Variants in ZFHX3 observed in about 807,000 individuals in gnomAD.
ZFHX3 encodes zinc finger homeobox 3.
A neutral mutation model predicts 279.1 loss-of-function variants in ZFHX3; 42 were observed. The ratio of observed to expected loss-of-function variants is 0.15; its 90% CI spans 0.12 to 0.19. The LOEUF (loss-of-function observed/expected upper bound fraction) is 0.19. ZFHX3 is among the 10% of genes least tolerant of loss of function. The pLI, the probability that ZFHX3 is intolerant of heterozygous loss-of-function variation, is 1.00. For synonymous variants in ZFHX3, 2,293 were observed against 1,957.8 expected (o/e 1.17, Z -4.52); for missense variants, 4,981 against 4,754.0 (o/e 1.05, Z -1.40).
intron 5 of ZFHX3, among the ~76,000 whole-genome samples, chr16:73,213,916 G>A (rs956885666): frequency 2.6e-5 from 4 of 152,006 alleles, no homozygotes; most frequent in African/African-American, 9.7e-5. Context: ...TTTGTTCCCC[G>A]CTCCAATCTG....
chr16:73,066,003 C>A (rs1228247038), intron 8 of ZFHX3, among the ~76,000 whole-genome samples: 1 of 152,214 alleles, frequency 6.6e-6, no homozygotes, highest in Non-Finnish European at 1.5e-5. Context: ...CGTGGCCCCA[C>A]GGCCGGCAGG....
At chr16:72,935,917 G>C (rs568768514) in intron 3 of ZFHX3, among the ~76,000 whole-genome samples, 1 of 152,270 alleles carries the variant, frequency 6.6e-6, no homozygotes, top group South Asian at 2.1e-4. Flanking sequence ...TCTATCATAA[G>C]AATGGGAAAG....
chr16:73,758,624 A>C (rs1306868618), intron 1 of ZFHX3, among the ~76,000 whole-genome samples: 7 of 152,200 alleles, frequency 4.6e-5, no homozygotes, highest in Non-Finnish European at 1.5e-5. Context: ...TAGGGGAAGG[A>C]TAAGTGGCCT....
intron 5 of ZFHX3, among the ~76,000 whole-genome samples, chr16:72,828,997 CTT>C (rs928267520): frequency 2.1e-5 from 3 of 145,424 alleles, no homozygotes; most frequent in South Asian, 4.4e-4. Flanking sequence ...AGCTGGGAAT[CTT>C]TTTTTTTTTT....
chr16:73,165,739 T>A (rs993964325), intron 5 of ZFHX3, among the ~76,000 whole-genome samples: 30 of 152,180 alleles, frequency 2.0e-4, no homozygotes, highest in African/African-American at 7.2e-4. Flanking sequence ...TGGGCTACTC[T>A]TACGAGCTGG....
At chr16:73,294,516 A>T (rs1181435139) in intron 4 of ZFHX3, among the ~76,000 whole-genome samples, 1 of 152,242 alleles carries the variant, frequency 6.6e-6, no homozygotes, top group Non-Finnish European at 1.5e-5. Context: ...CATAGTTTAA[A>T]AACAGGCCTG....
At chr16:73,658,963 A>G (rs149797287) in intron 2 of ZFHX3, among the ~76,000 whole-genome samples, 2,586 of 152,238 alleles carry the variant, frequency 0.017, 64 homozygotes, top group Non-Finnish European at 0.023. Context: ...TTCCCCCCAA[A>G]TCCACCCAGA....
intron 3 of ZFHX3, among the ~76,000 whole-genome samples, chr16:73,435,951 C>T (rs550513657): frequency 3.9e-5 from 6 of 152,326 alleles, no homozygotes; most frequent in South Asian, 4.1e-4. Context: ...AGTTCTCCCA[C>T]GGCCCAGTGC....
chr16:73,090,833 C>A (rs1020296782), intron 8 of ZFHX3, among the ~76,000 whole-genome samples: 1 of 149,924 alleles, frequency 6.7e-6, no homozygotes, highest in African/African-American at 2.5e-5. Flanking sequence ...ATCACTTGAG[C>A]CCAAGAGGTC....
intron 3 of ZFHX3, among the ~76,000 whole-genome samples, chr16:72,919,885 C>T (rs757750453): frequency 6.9e-6 from 1 of 144,122 alleles, no homozygotes; most frequent in Non-Finnish European, 1.5e-5. Context: ...CCTCTACCTC[C>T]CAGGTTCAAG....
chr16:73,560,986 G>C (rs758637697), intron 2 of ZFHX3, among the ~76,000 whole-genome samples: 30 of 152,146 alleles, frequency 2.0e-4, no homozygotes, highest in Non-Finnish European at 3.5e-4. Flanking sequence ...TCCCTAATTA[G>C]GGCCACCACA....
At chr16:73,142,548 T>C (rs915222332) in intron 6 of ZFHX3, among the ~76,000 whole-genome samples, 9 of 152,222 alleles carry the variant, frequency 5.9e-5, no homozygotes, top group African/African-American at 9.6e-5. Flanking sequence ...GAGAAAATCC[T>C]TATAAACAGT....
intron 1 of ZFHX3, among the ~76,000 whole-genome samples, chr16:73,705,113 T>C (rs2053290398): frequency 6.6e-6 from 1 of 152,180 alleles, no homozygotes; most frequent in Admixed American, 6.5e-5. Flanking sequence ...GCATACAGAA[T>C]AGTAAAATGT....
At chr16:73,272,081 ATGTCGAAGTTTTCATCCG>A (rs1193949452) in intron 4 of ZFHX3, among the ~76,000 whole-genome samples, 1 of 152,222 alleles carries the variant, frequency 6.6e-6, no homozygotes, top group African/African-American at 2.4e-5. Flanking sequence ...ACATTCATCC[ATGTCGAAGTTTTCATCCG>A]TCTGAAGCAA....
chr16:73,634,328 T>C (rs993277942), intron 2 of ZFHX3, among the ~76,000 whole-genome samples: 1 of 151,448 alleles, frequency 6.6e-6, no homozygotes, highest in Non-Finnish European at 1.5e-5. Context: ...TCGATGTGAC[T>C]TATATGAAGA....
intron 2 of ZFHX3, among the ~76,000 whole-genome samples, chr16:73,479,777 C>T (rs1349092767): frequency 6.6e-6 from 1 of 152,162 alleles, no homozygotes; most frequent in East Asian, 1.9e-4. Flanking sequence ...GAGGAGGATA[C>T]CTGATTGGCC....
intron 1 of ZFHX3, among the ~76,000 whole-genome samples, chr16:73,705,693 G>T: frequency 6.6e-6 from 1 of 152,170 alleles, no homozygotes; most frequent in South Asian, 2.1e-4. Flanking sequence ...CATTGAGTGT[G>T]ATCCAAACAA....
At chr16:72,815,915 A>G (rs1460743264) in intron 5 of ZFHX3, among the ~76,000 whole-genome samples, 3 of 152,260 alleles carry the variant, frequency 2.0e-5, no homozygotes, top group Admixed American at 6.5e-5. Flanking sequence ...ATATCTTACA[A>G]TAGGGCATGG....
intron 1 of ZFHX3, among the ~76,000 whole-genome samples, chr16:73,825,687 G>A: frequency 5.8e-5 from 1 of 17,320 alleles, no homozygotes; most frequent in African/African-American, 3.5e-4. Flanking sequence ...GTTTTTCTCA[G>A]GTTTGTCAAA....
Sources: allele counts gnomAD v4.1 joint callset (sites outside exome capture counted in the v4.1 genomes callset), GRCh38; gene constraint gnomAD v4.1.1; transcripts MANE v1.5; gene names NCBI Gene and HGNC (gene_info 2026-07-23, HGNC 2026-07-21).